Variants in CRYGN observed in about 807,000 individuals in gnomAD.
CRYGN encodes the protein gamma-crystallin N.
CRYGN carries 17 observed loss-of-function variants against 19.2 expected under a neutral mutation model. That is an observed-to-expected ratio of 0.89 (90% CI 0.61 to 1.33). The LOEUF (loss-of-function observed/expected upper bound fraction) is 1.33. CRYGN is among the 40% of genes most tolerant of loss of function. The probability of loss-of-function intolerance (pLI) is 0.00; values close to 1 mark genes in which losing one functional copy is unlikely to be tolerated. For missense variants in CRYGN, 239 were observed against 239.6 expected (o/e 1.00, Z 0.02); for synonymous variants, 84 against 85.8 (o/e 0.98, Z 0.12).
Position 151,433,219 on chromosome 7 carries a change from G to T in CRYGN, c.416+2961C>A, listed in dbSNP as rs569622724. On this transcript the variant is annotated intron_variant, in intron 3 of 3. Coordinates refer to ENST00000337323, the MANE Select transcript of CRYGN (RefSeq NM_144727.3). This position sits in a 1 kb window ranked among gnomAD's most constrained non-coding sequence, Gnocchi z 5.1. Reference sequence around the variant, plus strand: ...GCCTGGAGGACCTCGGGCTGGTGGGGGCAGGAGAGAACACAGCTCTTCATC... The same window carrying T: ...GCCTGGAGGACCTCGGGCTGGTGGGTGCAGGAGAGAACACAGCTCTTCATC... 1.8e-4 allele frequency among the ~76,000 whole-genome samples: 27 copies of T among 152,348 alleles called. No homozygotes were observed. The South Asian group carries it at 5.0e-3, about 28-fold the overall frequency.
chr7:151,432,390 G>T, intron 3 of CRYGN: 1 of 578,222 alleles, frequency 1.7e-6, no homozygotes, highest in Non-Finnish European at 2.6e-6. Flanking sequence ...TCCCGGTCGA[G>T]CGGCCCCTTC....
chr7:151,434,809 A>C (rs914437277), intron 3 of CRYGN, among the ~76,000 whole-genome samples: 8 of 152,242 alleles, frequency 5.3e-5, no homozygotes, highest in Non-Finnish European at 8.8e-5. Flanking sequence ...ATCCACATTG[A>C]ACAAGATGAC....
chr7:151,430,191 C>A lies in CRYGN; in HGVS notation c.417-11G>T, dbSNP rs776215195. ...CTAGGGCTCCATGCTCTGTGGTTTGCAGGTGAAAGGAGGTGGGGCCAGGGC... is the reference window on the plus strand; with the variant it reads ...CTAGGGCTCCATGCTCTGTGGTTTGAAGGTGAAAGGAGGTGGGGCCAGGGC... On this transcript the variant is annotated splice_polypyrimidine_tract_variant and intron_variant, in intron 3 of 3. Transcript: ENST00000337323. This position sits in a 1 kb window ranked among gnomAD's most constrained non-coding sequence, Gnocchi z 5.2. The A allele has an allele frequency of 9.3e-6, 15 of 1,613,486 alleles. No homozygotes were observed. The South Asian group carries it at 1.6e-4, about 18-fold the overall frequency.
chr7:151,439,769 A>T, intron 1 of CRYGN, 128 bp downstream of exon 1: 1 of 1,057,614 alleles, frequency 9.5e-7, no homozygotes, highest in Non-Finnish European at 1.3e-6. Flanking sequence ...ACCCCATTTT[A>T]TTAAGAAATT....
rs2075002 is a variant in CRYGN at position 151,435,579 on chromosome 7, C to G, written c.416+601G>C. 6.6e-6 allele frequency among the ~76,000 whole-genome samples: 1 copy of G among 152,012 alleles called. No individual in the cohort carries two copies. The highest frequency in any genetic ancestry group is 1.5e-5 in the Non-Finnish European group (1 of 68,002). On this transcript the variant is annotated intron_variant, in intron 3 of 3. Transcript: ENST00000337323. The surrounding 1 kb of genome is among the most constrained non-coding windows in gnomAD (Gnocchi z 4.2). Reference sequence around the variant, plus strand: ...GTGGGGCAGACAAACCCATCTGGGCCTGGGCAAAATTCCCCCAGCTACTTT... The same window carrying G: ...GTGGGGCAGACAAACCCATCTGGGCGTGGGCAAAATTCCCCCAGCTACTTT...
rs369218592 is a variant in CRYGN, at chr7:151,438,106, G to A, written c.160C>T (p.His54Tyr). The part of the protein sequence containing the change: ...VESGAWVCFN[H>Y]PDFRGQQFIL... Reference sequence around the variant, plus strand: ...AACTGCTGGCCCCGGAAGTCGGGGTGATTGAAGCAGACCCAGGCTCCGCTC... The same window carrying A: ...AACTGCTGGCCCCGGAAGTCGGGGTAATTGAAGCAGACCCAGGCTCCGCTC... Residue 54 changes from histidine to tyrosine, a missense_variant, in exon 2 of 4, where the codon CAC becomes TAC. Coordinates refer to ENST00000337323, the MANE Select transcript of CRYGN (RefSeq NM_144727.3). 1.2e-6 allele frequency: 2 copies of A among 1,614,054 alleles called. No individual in the cohort carries two copies. The highest frequency in any genetic ancestry group is 1.7e-5 in the Admixed American group (1 of 60,010).
rs192153448 is a variant in CRYGN, at chr7:151,430,337, G to A, written c.417-157C>T. Among the ~76,000 whole-genome samples, 4 of 152,060 alleles carry A rather than the reference G, an allele frequency of 2.6e-5. No individual in the cohort carries two copies. The highest frequency in any genetic ancestry group is 9.7e-5 in the African/African-American group (4 of 41,374). On this transcript the variant is annotated intron_variant, in intron 3 of 3. Coordinates refer to ENST00000337323, the MANE Select transcript of CRYGN (RefSeq NM_144727.3). This position sits in a 1 kb window ranked among gnomAD's most constrained non-coding sequence, Gnocchi z 5.2. ...TGGTTTCATGTCTTCATTTGGCCTC[G>A]GCTGTCATGGGACAGCCTACGGGGG... is the stretch of plus-strand genomic sequence containing the variant.
In CRYGN at chr7:151,429,996, C is replaced by T. The variant is rs776287796; in HGVS notation, c.*52G>A. On this transcript the variant is annotated 3_prime_UTR_variant, in exon 4 of 4. Coordinates refer to ENST00000337323, the MANE Select transcript of CRYGN (RefSeq NM_144727.3). Reference sequence around the variant, plus strand: ...GAGGGCATGATTTTAAGTAAACACTCTCCCGGCTCAGAAACGGTGCAGGTG... The same window carrying T: ...GAGGGCATGATTTTAAGTAAACACTTTCCCGGCTCAGAAACGGTGCAGGTG... The T allele has an allele frequency of 9.0e-5, 72 of 803,954 alleles. 1 individual carries two copies. The highest frequency in any genetic ancestry group is 3.2e-4 in the South Asian group (24 of 74,792). The allele number at this position is 803,954 out of a possible 1,614,324, so 49.8% of individuals were successfully genotyped here. A position where few individuals can be genotyped will look rare whatever the true frequency, so the allele number is the denominator to read the frequency against.
In CRYGN at chr7:151,436,272, C is replaced by G. The variant is rs1488204887; in HGVS notation, c.324G>C (p.Gln108His). The change falls in exon 3 of 4, where the codon CAG becomes CAC. Residue 108 changes from glutamine (Q) to histidine (H), a missense_variant. Physicochemically the swap from Gln to His is conservative, Grantham distance 24. Transcript: ENST00000337323. This position sits in a 1 kb window ranked among gnomAD's most constrained non-coding sequence, Gnocchi z 5.1. Reference protein sequence around the residue: ...EIFEGCNFTGQCLEFLEDSPF... With the variant: ...EIFEGCNFTGHCLEFLEDSPF... Reference sequence around the variant, plus strand: ...GGCTGTCCTCCAGGAACTCCAGGCACTGGCCCGTGAAGTTGCAACCCTCGA... The same window carrying G: ...GGCTGTCCTCCAGGAACTCCAGGCAGTGGCCCGTGAAGTTGCAACCCTCGA... 6.3e-7 allele frequency: 1 copy of G among 1,599,942 alleles called. No individual in the cohort carries two copies. Among genetic ancestry groups the G allele is most frequent in the Non-Finnish European group, 8.5e-7 (1 of 1,173,030 alleles).
At position 151,429,902 on chromosome 7, in the gene CRYGN, C is replaced by T. The variant is rs1156287042; in HGVS notation, c.*146G>A. 5.8e-6 allele frequency: 4 copies of T among 687,376 alleles called. No homozygotes were observed. Among genetic ancestry groups the T allele is most frequent in the Non-Finnish European group, 1.1e-5 (4 of 373,228 alleles). 42.6% of individuals were successfully genotyped at this position (687,376 alleles called of 1,614,324 possible). On this transcript the variant is annotated 3_prime_UTR_variant, in exon 4 of 4. Coordinates refer to ENST00000337323, the MANE Select transcript of CRYGN (RefSeq NM_144727.3). ...GGGCCCTTGCCATGGGTGGGGAGGG[C>T]CTCCCGCTGGCAGATATGACACACA...
chr7:151,438,460 C>T (rs1801678772), intron 1 of CRYGN, among the ~76,000 whole-genome samples: 1 of 152,218 alleles, frequency 6.6e-6, no homozygotes, highest in South Asian at 2.1e-4. Context: ...ACTGTTCCTC[C>T]CCACCCTTAG....
Position 151,429,754 on chromosome 7 carries a change from A to G in CRYGN, c.*294T>C, listed in dbSNP as rs117091308. 605 of 464,652 alleles carry G rather than the reference A, an allele frequency of 1.3e-3. 8 individuals are homozygous for G. In the East Asian group the frequency reaches 0.023, roughly 18 times the overall value. 28.8% of individuals were successfully genotyped at this position (464,652 alleles called of 1,614,324 possible). A position where few individuals can be genotyped will look rare whatever the true frequency, so the allele number is the denominator to read the frequency against. On this transcript the variant is annotated 3_prime_UTR_variant, in exon 4 of 4. Coordinates refer to ENST00000337323, the MANE Select transcript of CRYGN (RefSeq NM_144727.3). Reference sequence around the variant, plus strand: ...AGTCAGTGCTCCATAAATATTCATCAACATCATCACCATCATCAGCTGTGG... The same window carrying G: ...AGTCAGTGCTCCATAAATATTCATCGACATCATCACCATCATCAGCTGTGG...
At position 151,435,121 on chromosome 7, in the gene CRYGN, C is replaced by T. The variant is rs551486138; in HGVS notation, c.416+1059G>A. Among the ~76,000 whole-genome samples, 4 of 152,336 alleles carry T rather than the reference C, an allele frequency of 2.6e-5. No homozygotes were observed. The South Asian group carries it at 8.3e-4, about 32-fold the overall frequency. ...CTCTGTCTCCCTGCAGTCCCTCTGC[C>T]CCCTGCATCCCCTCCGAAGCTCCCT... On this transcript the variant is annotated intron_variant, in intron 3 of 3. Transcript: ENST00000337323. The surrounding 1 kb of genome is among the most constrained non-coding windows in gnomAD (Gnocchi z 4.2).
At position 151,437,991 on chromosome 7, in the gene CRYGN, C is replaced by CT; in HGVS notation, c.270+4dup. On this transcript the variant is annotated splice_donor_region_variant and intron_variant, in intron 2 of 3. Transcript: ENST00000337323. ...ACTCAGCCTTCGGTGGACGGGCCCA[C>CT]TCACCATTCCTACAGGCCGACAGGA... The CT allele has an allele frequency of 6.2e-7, 1 of 1,612,596 alleles. No individual in the cohort carries two copies. Among genetic ancestry groups the CT allele is most frequent in the South Asian group, 1.1e-5 (1 of 91,082 alleles).
rs559661412 is a variant in CRYGN, at chr7:151,435,091, C to T, written c.416+1089G>A. Among the ~76,000 whole-genome samples, 17 of 152,356 alleles carry T rather than the reference C, an allele frequency of 1.1e-4. No individual in the cohort carries two copies. In the South Asian group the frequency reaches 3.3e-3, roughly 30 times the overall value. ...CACCTGTGCCCAGCTCTGCCTCGGCCCAGTCTCTGTCTCCCTGCAGTCCCT... is the reference window on the plus strand; with the variant it reads ...CACCTGTGCCCAGCTCTGCCTCGGCTCAGTCTCTGTCTCCCTGCAGTCCCT... On this transcript the variant is annotated intron_variant, in intron 3 of 3. Transcript: ENST00000337323. This position sits in a 1 kb window ranked among gnomAD's most constrained non-coding sequence, Gnocchi z 4.2.
At chr7:151,437,857 T>A in intron 2 of CRYGN, 139 bp downstream of exon 2, 1 of 1,523,238 alleles carries the variant, frequency 6.6e-7, no homozygotes, top group Non-Finnish European at 8.8e-7. Context: ...AGCAGGTGGC[T>A]CTGGGTATAG....
chr7:151,434,323 G>A (rs1035660174), intron 3 of CRYGN, among the ~76,000 whole-genome samples: 2 of 152,142 alleles, frequency 1.3e-5, no homozygotes, highest in Non-Finnish European at 2.9e-5. Flanking sequence ...GTGGGCCGGG[G>A]GGATTGTGTC....
chr7:151,430,461 T>C lies in CRYGN; in HGVS notation c.417-281A>G, dbSNP rs1267041913. On this transcript the variant is annotated intron_variant, in intron 3 of 3. Transcript: ENST00000337323. The surrounding 1 kb of genome is among the most constrained non-coding windows in gnomAD (Gnocchi z 5.2). ...GTGACCCATCGTGACTCTTTTTCCA[T>C]TGCTCTCTCAGTGAGGGATGGGGAG... Among the ~76,000 whole-genome samples, 3 of 152,246 alleles carry C rather than the reference T, an allele frequency of 2.0e-5. No homozygotes were observed. Among genetic ancestry groups the C allele is most frequent in the East Asian group, 3.9e-4 (2 of 5,182 alleles).
In CRYGN at chr7:151,438,085, G is replaced by A. The variant is rs1332801879; in HGVS notation, c.181C>T (p.Gln61Ter). 2 of 1,614,164 alleles carry A rather than the reference G, an allele frequency of 1.2e-6. No individual in the cohort carries two copies. The highest frequency in any genetic ancestry group is 1.1e-5 in the South Asian group (1 of 91,086). Residue 61 changes from glutamine (Q) to a stop codon, truncating the protein, a stop_gained, in exon 2 of 4, where the codon CAG becomes TAG. Transcript: ENST00000337323. LOFTEE classifies it high-confidence loss of function. Reference protein sequence around the residue: ...CFNHPDFRGQQFILEHGDYPD... With the variant: ...CFNHPDFRGQ Reference sequence around the variant, plus strand: ...TAGTCGCCGTGCTCCAAGATGAACTGCTGGCCCCGGAAGTCGGGGTGATTG... The same window carrying A: ...TAGTCGCCGTGCTCCAAGATGAACTACTGGCCCCGGAAGTCGGGGTGATTG...
Sources: gnomAD v4.1 joint callset for allele counts (sites outside exome capture counted in the v4.1 genomes callset) on GRCh38, gnomAD v4.1.1 for gene constraint, Gnocchi (gnomAD v3.1) non-coding constraint, MANE v1.5 for transcripts, NCBI Gene and HGNC (gene_info 2026-07-23, HGNC 2026-07-21) for gene names.